SOCS5: variants seen among roughly 807,000 people sequenced by gnomAD.
SOCS5 encodes CIS-6.
SOCS5 carries 32 observed loss-of-function variants against 42.8 expected under a neutral mutation model. That is an observed-to-expected ratio of 0.75 (90% CI 0.56 to 1.01). The LOEUF (loss-of-function observed/expected upper bound fraction) is 1.01, where lower values mean the gene tolerates loss of function less well. Ranked by LOEUF, SOCS5 falls within the 50% of genes least tolerant of loss-of-function variation. SOCS5 has a pLI of 0.00. For missense variants in SOCS5, 627 were observed against 653.0 expected (o/e 0.96, Z 0.43); for synonymous variants, 283 against 229.6 (o/e 1.23, Z -2.10).
intron 1 of SOCS5, among the ~76,000 whole-genome samples, chr2:46,713,459 T>C (rs1217153078): frequency 6.6e-6 from 1 of 152,256 alleles, no homozygotes; most frequent in Non-Finnish European, 1.5e-5. Context: ...TGAAAATAAA[T>C]TATAAATTTT....
chr2:46,758,906 C>A lies in SOCS5; in HGVS notation c.376C>A (p.His126Asn). 6.2e-7 allele frequency: 1 copy of A among 1,614,008 alleles called. No homozygotes were observed. Among genetic ancestry groups the A allele is most frequent in the Non-Finnish European group, 8.5e-7 (1 of 1,179,888 alleles). Reference sequence around the variant, plus strand: ...TGCTCCATGGGGTGGGAAGAAAAAACATTCCTGTTCTACAAAGACCCAGAG... The same window carrying A: ...TGCTCCATGGGGTGGGAAGAAAAAAAATTCCTGTTCTACAAAGACCCAGAG... Reference protein sequence around the residue: ...RHAPWGGKKKHSCSTKTQSSL... With the variant: ...RHAPWGGKKKNSCSTKTQSSL... The change falls in exon 2 of 2, where the codon CAT (histidine) becomes AAT (asparagine). Residue 126 changes from histidine (H) to asparagine (N), a missense_variant. Coordinates refer to ENST00000394861, the MANE Select transcript of SOCS5 (RefSeq NM_144949.3).
At chr2:46,753,566 C>G (rs964488873) in intron 1 of SOCS5, among the ~76,000 whole-genome samples, 1 of 152,082 alleles carries the variant, frequency 6.6e-6, no homozygotes, top group Non-Finnish European at 1.5e-5. Flanking sequence ...GGTTCTTGGA[C>G]CTTGCGCAAC....
In SOCS5 at chr2:46,758,856, C is replaced by G; in HGVS notation, c.326C>G (p.Ala109Gly). ...DSCVTPGTRL[A>G]RRDSYSRHAP... ...TGTGTTACCCCAGGAACAAGACTTG[C>G]ACGAAGAGATTCCTACTCTCGACAT... Residue 109 changes from alanine to glycine, a missense_variant, in exon 2 of 2, where the codon GCA becomes GGA. Physicochemically the swap from Ala to Gly is moderately conservative, Grantham distance 60 (BLOSUM62 0). Transcript: ENST00000394861. 6.2e-7 allele frequency: 1 copy of G among 1,613,826 alleles called. No homozygotes were observed.
At chr2:46,706,404 C>T (rs1324797995) in intron 1 of SOCS5, among the ~76,000 whole-genome samples, 1 of 152,152 alleles carries the variant, frequency 6.6e-6, no homozygotes, top group Non-Finnish European at 1.5e-5. Context: ...TTGTGAAGTG[C>T]TCTTTTACTC....
At chr2:46,712,550 G>A (rs1373872251) in intron 1 of SOCS5, among the ~76,000 whole-genome samples, 1 of 151,970 alleles carries the variant, frequency 6.6e-6, no homozygotes, top group Middle Eastern at 3.2e-3. Context: ...CACCATATTG[G>A]CCAGGCTGGT....
At chr2:46,729,799 A>T (rs1210617335) in intron 1 of SOCS5, among the ~76,000 whole-genome samples, 1 of 152,126 alleles carries the variant, frequency 6.6e-6, no homozygotes, top group African/African-American at 2.4e-5. Flanking sequence ...TTCAATAACA[A>T]ATTGACCTTT....
chr2:46,723,481 T>A (rs182268461), intron 1 of SOCS5, among the ~76,000 whole-genome samples: 34 of 152,150 alleles, frequency 2.2e-4, no homozygotes, highest in Admixed American at 1.8e-3. Context: ...TAGGTTAAGG[T>A]TCATGTATTT....
intron 1 of SOCS5, among the ~76,000 whole-genome samples, chr2:46,704,292 G>A (rs1243563656): frequency 6.6e-6 from 1 of 152,192 alleles, no homozygotes; most frequent in Non-Finnish European, 1.5e-5. Flanking sequence ...CCTATTCTGA[G>A]CAGTATCCTT....
chr2:46,700,228 A>T (rs115745925), intron 1 of SOCS5, among the ~76,000 whole-genome samples: 3,238 of 152,356 alleles, frequency 0.021, 32 homozygotes, highest in Non-Finnish European at 0.03. Context: ...GATTGGAGTC[A>T]CAAGGAAATT....
rs143197056 is a variant in SOCS5 at position 46,705,409 on chromosome 2, A to T, written c.-13+5960A>T. Among the ~76,000 whole-genome samples, 234 of 152,302 alleles carry T rather than the reference A, an allele frequency of 1.5e-3. 2 individuals carry two copies. The highest frequency in any genetic ancestry group is 0.014 in the Middle Eastern group (4 of 294). Reference sequence around the variant, plus strand: ...GCAGCCAGTTGGTAGCTGCTTTAGAATTGATTGCTTGCTTTTCGGTAGAGA... The same window carrying T: ...GCAGCCAGTTGGTAGCTGCTTTAGATTTGATTGCTTGCTTTTCGGTAGAGA... On this transcript the variant is annotated intron_variant, in intron 1 of 1. Coordinates refer to ENST00000394861, the MANE Select transcript of SOCS5 (RefSeq NM_144949.3).
chr2:46,750,672 C>T (rs754706666), intron 1 of SOCS5, among the ~76,000 whole-genome samples: 2 of 152,122 alleles, frequency 1.3e-5, no homozygotes, highest in Non-Finnish European at 1.5e-5. Flanking sequence ...GAGCGGTATA[C>T]AGGCCTACAC....
rs531561729 is a variant in SOCS5, at chr2:46,729,179, A to T, written c.-12-29340A>T. 7.9e-5 allele frequency among the ~76,000 whole-genome samples: 12 copies of T among 152,338 alleles called. No individual in the cohort carries two copies. The East Asian group carries it at 2.1e-3, about 27-fold the overall frequency. On this transcript the variant is annotated intron_variant, in intron 1 of 1. Transcript: ENST00000394861. ...GAAACTAGTTTTTCACCATTGTTTGAGACATATGCTATATGCTAAAATCTA... is the reference window on the plus strand; with the variant it reads ...GAAACTAGTTTTTCACCATTGTTTGTGACATATGCTATATGCTAAAATCTA...
chr2:46,706,763 G>T (rs975836920), intron 1 of SOCS5, among the ~76,000 whole-genome samples: 16 of 152,186 alleles, frequency 1.1e-4, no homozygotes, highest in African/African-American at 3.9e-4. Context: ...TCTTGCCCTG[G>T]AGGTAGAGGA....
intron 1 of SOCS5, among the ~76,000 whole-genome samples, chr2:46,753,384 C>G (rs903923153): frequency 1.3e-5 from 2 of 152,172 alleles, no homozygotes; most frequent in Admixed American, 6.5e-5. Context: ...GAAGGCTTAT[C>G]TGATTCAGTC....
chr2:46,719,157 A>T (rs1386793151), intron 1 of SOCS5, among the ~76,000 whole-genome samples: 1 of 152,180 alleles, frequency 6.6e-6, no homozygotes, highest in Admixed American at 6.5e-5. Flanking sequence ...GGAGATGGAA[A>T]ATTAAGAGCT....
rs10710540 is a variant in SOCS5, at chr2:46,743,996, C to CT, written c.-12-14512dup. Among the ~76,000 whole-genome samples, 114 of 148,964 alleles carry CT rather than the reference C, an allele frequency of 7.7e-4. 1 individual carries two copies. The highest frequency in any genetic ancestry group is 7.9e-4 in the East Asian group (4 of 5,066). ...TGATGTCTTTTATACTATTTTCTTT[C>CT]TTTTTTTTTTTGAGAAGGCATCTCA... On this transcript the variant is annotated intron_variant, in intron 1 of 1. Coordinates refer to ENST00000394861, the MANE Select transcript of SOCS5 (RefSeq NM_144949.3).
chr2:46,757,358 T>C (rs1673753236), intron 1 of SOCS5, among the ~76,000 whole-genome samples: 1 of 152,216 alleles, frequency 6.6e-6, no homozygotes, highest in South Asian at 2.1e-4. Flanking sequence ...GCTACTGAAC[T>C]AGACAGTGTG....
intron 1 of SOCS5, among the ~76,000 whole-genome samples, chr2:46,704,388 A>C (rs189261607): frequency 6.6e-6 from 1 of 152,222 alleles, no homozygotes; most frequent in East Asian, 1.9e-4. Flanking sequence ...GAGAACTCCA[A>C]TGATGGAATG....
chr2:46,700,769 G>A lies in SOCS5; in HGVS notation c.-13+1320G>A, dbSNP rs182166453. Among the ~76,000 whole-genome samples, 41 of 152,236 alleles carry A rather than the reference G, an allele frequency of 2.7e-4. 1 individual carries two copies. The East Asian group carries it at 7.7e-3, about 29-fold the overall frequency. ...AAATGCACACCGGGTTTAGGCAGTG[G>A]TGGTCTCCAGAGTGCACCTCCATGG... On this transcript the variant is annotated intron_variant, in intron 1 of 1. Transcript: ENST00000394861.
Sources: allele counts gnomAD v4.1 joint callset (sites outside exome capture counted in the v4.1 genomes callset), GRCh38; gene constraint gnomAD v4.1.1; transcripts MANE v1.5; gene names NCBI Gene and HGNC (gene_info 2026-07-23, HGNC 2026-07-21).